AMPH: variants seen among roughly 807,000 people sequenced by gnomAD.
The protein encoded by AMPH is amphiphysin (Stiff-Mann syndrome with breast cancer 128kD autoantigen).
AMPH carries 49 observed loss-of-function variants against 99.1 expected under a neutral mutation model. The ratio of observed to expected loss-of-function variants is 0.49; its 90% CI spans 0.39 to 0.63. The LOEUF is 0.63. AMPH is among the 20% of genes least tolerant of loss of function. The pLI is 0.00. For synonymous variants in AMPH, 314 were observed against 317.3 expected, an observed-to-expected ratio of 0.99 and a Z score of 0.11; for missense variants, 759 against 863.4, an observed-to-expected ratio of 0.88 and a Z score of 1.52.
chr7:38,450,826 G>C (rs933121346), intron 11 of AMPH, among the ~76,000 whole-genome samples: 2 of 152,224 alleles, frequency 1.3e-5, no homozygotes, highest in African/African-American at 2.4e-5. Context: ...TAATCCTAAA[G>C]GGAGGGTGAA....
chr7:38,614,953 G>A (rs1004028298), intron 1 of AMPH, among the ~76,000 whole-genome samples: 14 of 152,130 alleles, frequency 9.2e-5, no homozygotes, highest in Non-Finnish European at 2.9e-5. Context: ...AGCGATATAA[G>A]TATAATGACA....
chr7:38,468,350 T>A (rs1253813597), intron 7 of AMPH, among the ~76,000 whole-genome samples: 2 of 152,196 alleles, frequency 1.3e-5, no homozygotes, highest in Non-Finnish European at 2.9e-5. Flanking sequence ...TTGTTTTTCT[T>A]ATCAATATGT....
intron 1 of AMPH, among the ~76,000 whole-genome samples, chr7:38,593,318 T>C (rs578115974): frequency 1.8e-4 from 27 of 152,222 alleles, no homozygotes; most frequent in African/African-American, 6.0e-4. Flanking sequence ...TTTGGCAGTC[T>C]TCAAAAACAA....
intron 1 of AMPH, among the ~76,000 whole-genome samples, chr7:38,593,013 C>A (rs1380724927): frequency 1.3e-5 from 2 of 152,164 alleles, no homozygotes; most frequent in African/African-American, 4.8e-5. Context: ...AACTAAATTG[C>A]AAGTGATCCA....
intron 2 of AMPH, among the ~76,000 whole-genome samples, chr7:38,516,281 A>G (rs1023242819): frequency 4.6e-5 from 7 of 152,096 alleles, no homozygotes; most frequent in African/African-American, 1.7e-4. Context: ...GAAGGAAAGA[A>G]TGGTTCTGTG....
In AMPH at chr7:38,551,243, T is replaced by C. The variant is rs115826133; in HGVS notation, c.70-16232A>G. On this transcript the variant is annotated intron_variant, in intron 1 of 20. Transcript: ENST00000356264. ...AAATAAGAAATAGGCTTTAACTCTA[T>C]CTTGTGTGCCATAGCATCATTAACA... Among the ~76,000 whole-genome samples, 173 of 152,290 alleles carry C rather than the reference T, an allele frequency of 1.1e-3. 1 individual carries two copies. Among genetic ancestry groups the C allele is most frequent in the African/African-American group, 4.0e-3 (166 of 41,562 alleles).
At chr7:38,519,241 C>A (rs1789864868) in intron 2 of AMPH, among the ~76,000 whole-genome samples, 1 of 152,176 alleles carries the variant, frequency 6.6e-6, no homozygotes, top group African/African-American at 2.4e-5. Flanking sequence ...TCTGCTACAG[C>A]AGCAAAAAAC....
intron 11 of AMPH, among the ~76,000 whole-genome samples, chr7:38,458,310 A>G (rs1787309772): frequency 1.3e-5 from 2 of 152,204 alleles, no homozygotes; most frequent in Non-Finnish European, 2.9e-5. Context: ...TCCTCCTGAA[A>G]CTATTCCAAA....
At chr7:38,614,312 A>C (rs1793795016) in intron 1 of AMPH, among the ~76,000 whole-genome samples, 1 of 152,248 alleles carries the variant, frequency 6.6e-6, no homozygotes. Flanking sequence ...GCAATTGGCA[A>C]ACAATCCTGC....
intron 2 of AMPH, among the ~76,000 whole-genome samples, chr7:38,528,252 C>A (rs934912277): frequency 6.6e-6 from 1 of 151,956 alleles, no homozygotes; most frequent in African/African-American, 2.4e-5. Flanking sequence ...GTAATACAGC[C>A]CACATAAAAT....
At chr7:38,469,300 G>C (rs1787790381) in intron 7 of AMPH, among the ~76,000 whole-genome samples, 1 of 151,926 alleles carries the variant, frequency 6.6e-6, no homozygotes, top group Non-Finnish European at 1.5e-5. Flanking sequence ...CCCAAATGTG[G>C]CATCCTCAGG....
chr7:38,407,085 T>TATAC, intron 17 of AMPH, among the ~76,000 whole-genome samples: 1 of 31,026 alleles, frequency 3.2e-5, no homozygotes, highest in Non-Finnish European at 7.0e-5. Flanking sequence ...TATGTGTGTG[T>TATAC]GTGTGTGTGT....
At chr7:38,494,823 G>A (rs1788869448) in intron 3 of AMPH, among the ~76,000 whole-genome samples, 2 of 152,214 alleles carry the variant, frequency 1.3e-5, no homozygotes, top group Middle Eastern at 3.4e-3. Context: ...GTCCTATTAC[G>A]TGTGCTATCA....
At chr7:38,549,749 G>A (rs1584234390) in intron 1 of AMPH, among the ~76,000 whole-genome samples, 1 of 152,216 alleles carries the variant, frequency 6.6e-6, no homozygotes, top group East Asian at 1.9e-4. Context: ...AAGCTGGACT[G>A]TTTTCAGAAA....
chr7:38,393,367 G>A (rs975414007), intron 18 of AMPH, among the ~76,000 whole-genome samples: 1 of 152,188 alleles, frequency 6.6e-6, no homozygotes, highest in Non-Finnish European at 1.5e-5. Flanking sequence ...GAATACCGAA[G>A]AACCAGACAA....
intron 4 of AMPH, among the ~76,000 whole-genome samples, chr7:38,492,467 A>G (rs767351924): frequency 4.0e-5 from 6 of 150,716 alleles, no homozygotes; most frequent in African/African-American, 1.2e-4. Flanking sequence ...ATAAGTTTTC[A>G]TCTTGTTAAA....
At chr7:38,477,997 C>T (rs534428986) in intron 5 of AMPH, among the ~76,000 whole-genome samples, 2 of 152,062 alleles carry the variant, frequency 1.3e-5, no homozygotes, top group African/African-American at 2.4e-5. Context: ...AGGAAACTCT[C>T]GCTCAAATCC....
chr7:38,588,951 C>T (rs1443735862), intron 1 of AMPH, among the ~76,000 whole-genome samples: 1 of 152,082 alleles, frequency 6.6e-6, no homozygotes, highest in Non-Finnish European at 1.5e-5. Context: ...CAACCACTGA[C>T]TACTACACAG....
chr7:38,473,222 A>C (rs909161107), intron 7 of AMPH, among the ~76,000 whole-genome samples: 5 of 152,296 alleles, frequency 3.3e-5, no homozygotes, highest in South Asian at 4.1e-4. Context: ...AATCATAAAA[A>C]ATTCCTTTAC....
Sources: allele counts gnomAD v4.1 joint callset (sites outside exome capture counted in the v4.1 genomes callset), GRCh38; gene constraint gnomAD v4.1.1; transcripts MANE v1.5; gene names NCBI Gene and HGNC (gene_info 2026-07-23, HGNC 2026-07-21).